The following DRG2 variants were observed in gnomAD, a reference collection of about 807,000 sequenced individuals.
The protein encoded by DRG2 is developmentally-regulated GTP-binding protein 2.
A neutral mutation model predicts 53.4 loss-of-function variants in DRG2; 36 were observed. The ratio of observed to expected loss-of-function variants is 0.67; its 90% confidence interval spans 0.52 to 0.89. The LOEUF is 0.89. DRG2 is among the 40% of genes least tolerant of loss of function. The pLI is 0.00. For synonymous variants in DRG2, 167 were observed against 192.1 expected (o/e 0.87, Z 1.08); for missense variants, 342 against 481.2 (o/e 0.71, Z 2.71).
chr17:18,106,334 GC>G (rs771494640), intron 11 of DRG2, 98 bp from the exon 12 acceptor site: 1 of 1,398,366 alleles, frequency 7.2e-7, no homozygotes, highest in Non-Finnish European at 1.0e-6. Flanking sequence ...GGGAACTCCT[GC>G]CTCTTGGCCT....
Position 18,100,690 on chromosome 17 carries a change from G to A in DRG2, c.631+31G>A, listed in dbSNP as rs2142198350. The A allele has an allele frequency of 6.3e-7, 1 of 1,593,444 alleles. No homozygotes were observed. The highest frequency in any genetic ancestry group is 8.6e-7 in the Non-Finnish European group (1 of 1,168,532). ...CTTCCCTGAAAGACACGTGAAGGAG[G>A]GCAGCCACCACCGTCAGCGCAGCGG... On this transcript the variant is annotated intron_variant, in intron 7 of 12. Coordinates refer to ENST00000225729, the MANE Select transcript of DRG2 (RefSeq NM_001388.5). The surrounding 1 kb of genome is among the most constrained non-coding windows in gnomAD (Gnocchi z 4.1).
intron 2 of DRG2, 108 bp downstream of exon 2, chr17:18,094,081 C>A (rs1482174238): frequency 2.4e-5 from 35 of 1,437,904 alleles, no homozygotes; most frequent in Non-Finnish European, 3.0e-5. Flanking sequence ...TCCAGGGACA[C>A]AGAAGACCTG....
rs1401356939 is a variant in DRG2, at chr17:18,100,466, G to T, written c.540+31G>T. On this transcript the variant is annotated intron_variant, in intron 6 of 12. Transcript: ENST00000225729. This position sits in a 1 kb window ranked among gnomAD's most constrained non-coding sequence, Gnocchi z 4.1. ...GCACCTCTCTGGCCTTCAGGCCAGG[G>T]GTGTGGCAGTTTTGAGACTGCATTG... 1 of 1,614,220 alleles carries T rather than the reference G, an allele frequency of 6.2e-7. No homozygotes were observed. The highest frequency in any genetic ancestry group is 1.7e-5 in the Admixed American group (1 of 60,034).
rs1039327003 is a variant in DRG2, at chr17:18,103,420, C to G, written c.807-381C>G. 1.6e-4 allele frequency among the ~76,000 whole-genome samples: 25 copies of G among 152,168 alleles called. No individual in the cohort carries two copies. Among genetic ancestry groups the G allele is most frequent in the African/African-American group, 5.3e-4 (22 of 41,434 alleles). The stretch of plus-strand genomic sequence containing the variant: ...TCTTGCTGAAATCCCTGCTGGACTT[C>G]CTGGCAGTCCCTTGCTCCTCTCAAG... On this transcript the variant is annotated intron_variant, in intron 9 of 12. Coordinates refer to ENST00000225729, the MANE Select transcript of DRG2 (RefSeq NM_001388.5). This position sits in a 1 kb window ranked among gnomAD's most constrained non-coding sequence, Gnocchi z 4.4.
chr17:18,094,099 C>CTT (rs1160034007), intron 2 of DRG2, 126 bp downstream of exon 2: 9 of 1,305,564 alleles, frequency 6.9e-6, no homozygotes, highest in Admixed American at 2.7e-5. Flanking sequence ...CTGGCCTCCC[C>CTT]CAGGGTCAGA....
Position 18,093,634 on chromosome 17 carries a change from A to G in DRG2, c.65-179A>G, listed in dbSNP as rs55951850. On this transcript the variant is annotated intron_variant, in intron 1 of 12. Transcript: ENST00000225729. ...CGCCCGGTCTAAGAGACTGGATTTT[A>G]TCTTAAATGAAGTGAGAAGCCAAGG... 2.8e-3 allele frequency among the ~76,000 whole-genome samples: 429 copies of G among 152,026 alleles called. 2 individuals are homozygous for G. The highest frequency in any genetic ancestry group is 4.4e-3 in the Non-Finnish European group (302 of 67,972).
At chr17:18,093,609 C>T (rs1043483098) in intron 1 of DRG2, among the ~76,000 whole-genome samples, 5 of 152,148 alleles carry the variant, frequency 3.3e-5, no homozygotes, top group East Asian at 1.9e-4. Flanking sequence ...TCAGCCACTG[C>T]GCCCGGTCTA....
chr17:18,103,138 G>T lies in DRG2; in HGVS notation c.807-663G>T, dbSNP rs915587066. On this transcript the variant is annotated intron_variant, in intron 9 of 12. Coordinates refer to ENST00000225729, the MANE Select transcript of DRG2 (RefSeq NM_001388.5). This position sits in a 1 kb window ranked among gnomAD's most constrained non-coding sequence, Gnocchi z 4.4. ...TCCTCCTGCTGTGTCCCAGGCCTTT[G>T]AGGGGCTGCCATCCTCAGGGCGTGA... Among the ~76,000 whole-genome samples, 6 of 152,124 alleles carry T rather than the reference G, an allele frequency of 3.9e-5. No individual in the cohort carries two copies. The highest frequency in any genetic ancestry group is 7.4e-5 in the Non-Finnish European group (5 of 68,006).
chr17:18,090,376 A>T (rs1351729108), intron 1 of DRG2, among the ~76,000 whole-genome samples: 12 of 8,648 alleles, frequency 1.4e-3, no homozygotes, highest in African/African-American at 2.1e-3. Context: ...ATTTATATAT[A>T]TATATATATA....
chr17:18,101,935 C>T lies in DRG2; in HGVS notation c.744C>T (p.Ile248=), dbSNP rs761102334. ...YMPCLYVYNK[I]DQISMEEVDR... ...CTCAATCTCAGGTTTATAACAAAATCGACCAGATCTCCATGGAAGAGGTGG... is the reference window on the plus strand; with the variant it reads ...CTCAATCTCAGGTTTATAACAAAATTGACCAGATCTCCATGGAAGAGGTGG... The change falls in exon 9 of 13, where the codon ATC becomes ATT. Residue 248 remains isoleucine (I), a synonymous_variant. Transcript: ENST00000225729. 4.3e-6 allele frequency: 7 copies of T among 1,612,354 alleles called. No homozygotes were observed. The highest frequency in any genetic ancestry group is 5.1e-6 in the Non-Finnish European group (6 of 1,179,080).
Position 18,100,066 on chromosome 17 carries a change from C to T in DRG2, c.468-297C>T, listed in dbSNP as rs563627005. On this transcript the variant is annotated intron_variant, in intron 5 of 12. Coordinates refer to ENST00000225729, the MANE Select transcript of DRG2 (RefSeq NM_001388.5). The surrounding 1 kb of genome is among the most constrained non-coding windows in gnomAD (Gnocchi z 4.1). ...TCCACATCCTGGCAGAGGGGTACAC[C>T]AGGCCTGCCTCCTCGGGACCAGAAG... 529 of 577,360 alleles carry T rather than the reference C, an allele frequency of 9.2e-4. 2 individuals are homozygous for T. Among genetic ancestry groups the T allele is most frequent in the Non-Finnish European group, 1.4e-3 (448 of 323,472 alleles). The allele number at this position is 577,360 out of a possible 1,614,324, so 35.8% of individuals were successfully genotyped here. A position where few individuals can be genotyped will look rare whatever the true frequency, so the allele number is the denominator to read the frequency against.
chr17:18,107,936 G>A lies in DRG2; in HGVS notation c.*696G>A, dbSNP rs1309130495. 6.6e-6 allele frequency: 1 copy of A among 152,324 alleles called. No individual in the cohort carries two copies. The highest frequency in any genetic ancestry group is 1.9e-4 in the East Asian group (1 of 5,190). The allele number at this position is 152,324 out of a possible 1,614,324, so 9.4% of individuals were successfully genotyped here. ...TATTTTCTAAGTCCCCAGTTCTCCT[G>A]GCTCTCCTTTCTGAAATAAAGGATT... On this transcript the variant is annotated 3_prime_UTR_variant, in exon 13 of 13. Transcript: ENST00000225729.
rs1157285198 is a variant in DRG2 at position 18,098,173 on chromosome 17, C to G, written c.226-97C>G. The stretch of plus-strand genomic sequence containing the variant: ...ACCAAGCCGAGGGTGAGAGGGTCTC[C>G]TCCTGCTGCCTGCACCTGCAGGCCC... On this transcript the variant is annotated intron_variant, in intron 2 of 12. Coordinates refer to ENST00000225729, the MANE Select transcript of DRG2 (RefSeq NM_001388.5). This position sits in a 1 kb window ranked among gnomAD's most constrained non-coding sequence, Gnocchi z 4.1. 1 of 987,124 alleles carries G rather than the reference C, an allele frequency of 1.0e-6. No individual in the cohort carries two copies. The highest frequency in any genetic ancestry group is 1.6e-6 in the Non-Finnish European group (1 of 631,184). 61.1% of individuals were successfully genotyped at this position (987,124 alleles called of 1,614,324 possible). A position where few individuals can be genotyped will look rare whatever the true frequency, so the allele number is the denominator to read the frequency against.
chr17:18,088,006 C>T lies in DRG2; in HGVS notation c.-18C>T, dbSNP rs1049519440. The T allele has an allele frequency of 3.2e-6, 5 of 1,546,900 alleles. No individual in the cohort carries two copies. The highest frequency in any genetic ancestry group is 2.7e-5 in the African/African-American group (2 of 72,920). On this transcript the variant is annotated 5_prime_UTR_variant, in exon 1 of 13. Transcript: ENST00000225729. The stretch of plus-strand genomic sequence containing the variant: ...TGCCGCCGCCACCGCTGTCTGTGCG[C>T]CCACCTCTGCTGCTACCATGGGGAT...
rs1275546700 is a variant in DRG2 at position 18,106,670 on chromosome 17, AC to A, written c.1008+187del. 3.2e-3 allele frequency among the ~76,000 whole-genome samples: 354 copies of A among 110,330 alleles called. 1 individual carries two copies. The highest frequency in any genetic ancestry group is 5.6e-3 in the Middle Eastern group (1 of 178). The allele number at this position is 110,330 out of a possible 152,430, so 72.4% of individuals were successfully genotyped here. A position where few individuals can be genotyped will look rare whatever the true frequency, so the allele number is the denominator to read the frequency against. ...CCCAGGGTAGACATGGGCCTTCCCC[AC>A]CCTTTTTTTTTTCTGGTTTTTTTTT... is the stretch of plus-strand genomic sequence containing the variant. On this transcript the variant is annotated intron_variant, in intron 12 of 12. Transcript: ENST00000225729.
chr17:18,092,720 A>G (rs2045354621), intron 1 of DRG2, among the ~76,000 whole-genome samples: 1 of 152,240 alleles, frequency 6.6e-6, no homozygotes, highest in African/African-American at 2.4e-5. Context: ...ATTTATTTAA[A>G]TACATAAATG....
chr17:18,099,637 A>G lies in DRG2; in HGVS notation c.381A>G (p.Lys127=), dbSNP rs1282168511. ...PGIIEGAAQG[K]GRGRQVIAVA... is the part of the protein sequence containing the mutation. ...GCATCCCTCACACCCATCCAGGAAA[A>G]GGCCGTGGCCGGCAGGTGATCGCTG... The change falls in exon 5 of 13, where the codon AAA becomes AAG. Residue 127 remains lysine (K), a synonymous_variant. Coordinates refer to ENST00000225729, the MANE Select transcript of DRG2 (RefSeq NM_001388.5). The surrounding 1 kb of genome is among the most constrained non-coding windows in gnomAD (Gnocchi z 4.4). The G allele has an allele frequency of 6.2e-7, 1 of 1,603,764 alleles. No individual in the cohort carries two copies. Among genetic ancestry groups the G allele is most frequent in the African/African-American group, 1.3e-5 (1 of 74,998 alleles).
chr17:18,090,368 T>TTATTTATATAGATA (rs1258672077), intron 1 of DRG2, among the ~76,000 whole-genome samples: 1 of 25,518 alleles, frequency 3.9e-5, no homozygotes, highest in Non-Finnish European at 7.6e-5. Flanking sequence ...CCGGGCTAAT[T>TTATTTATATAGATA]TATATATATA....
In DRG2 at chr17:18,101,589, A is replaced by G. The variant is rs2045537788; in HGVS notation, c.728A>G (p.Tyr243Cys). 3 of 1,613,900 alleles carry G rather than the reference A, an allele frequency of 1.9e-6. No individual in the cohort carries two copies. Among genetic ancestry groups the G allele is most frequent in the Admixed American group, 1.7e-5 (1 of 59,986 alleles). The change falls in exon 8 of 13, where the codon TAT becomes TGT. Residue 243 changes from tyrosine to cysteine, a missense_variant and splice_region_variant. Tyr to Cys is a radical substitution (Grantham distance 194). Transcript: ENST00000225729. Reference sequence around the variant, plus strand: ...AACCGGGTGTACATGCCCTGCCTGTATGTAAGTGCAGGAGGGGAGCCCTGG... The same window carrying G: ...AACCGGGTGTACATGCCCTGCCTGTGTGTAAGTGCAGGAGGGGAGCCCTGG... ...VGNRVYMPCL[Y>C]VYNKIDQISM...
Sources: allele counts gnomAD v4.1 joint callset (sites outside exome capture counted in the v4.1 genomes callset), GRCh38; gene constraint gnomAD v4.1.1; non-coding constraint Gnocchi (gnomAD v3.1); transcripts MANE v1.5; gene names NCBI Gene and HGNC (gene_info 2026-07-23, HGNC 2026-07-21).